C2CD3: variants seen among roughly 807,000 people sequenced by gnomAD.
C2CD3 encodes the protein C2 domain containing 3 centriole elongation regulator.
In C2CD3, 148 loss-of-function variants were observed where a neutral mutation model predicts 234.0. The observed-to-expected ratio is 0.63, with a 90% CI of 0.55 to 0.72. C2CD3 has a LOEUF of 0.72. C2CD3 is among the 30% of genes least tolerant of loss of function. The probability of loss-of-function intolerance (pLI) is 0.00; values close to 1 mark genes in which losing one functional copy is unlikely to be tolerated. For synonymous variants in C2CD3, 1,000 were observed against 1,035.4 expected (o/e 0.97, Z 0.66); for missense variants, 2,577 against 2,811.5 (o/e 0.92, Z 1.89).
rs775201016 is a variant in C2CD3, at chr11:74,094,016, C to A, written c.3161-17G>T. On this transcript the variant is annotated splice_polypyrimidine_tract_variant and intron_variant, in intron 17 of 32. Coordinates refer to ENST00000334126, the MANE Select transcript of C2CD3 (RefSeq NM_001286577.2). ...GAGTAATTCCTTTGGAAAAGAAAAG[C>A]ATTTCAGAATAATCCAACATATGAC... The A allele has an allele frequency of 1.2e-5, 20 of 1,601,682 alleles. No homozygotes were observed. The highest frequency in any genetic ancestry group is 1.7e-5 in the Non-Finnish European group (20 of 1,170,082).
chr11:74,170,910 C>T lies in C2CD3; in HGVS notation c.-118G>A. On this transcript the variant is annotated 5_prime_UTR_variant, in exon 1 of 33. Transcript: ENST00000334126. ...CCGGCAACCGGCGCCGCTGGGCAGC[C>T]TGGGAGGCAGGAAAAAGCGACTCTT... The T allele has an allele frequency of 1.4e-6, 2 of 1,422,464 alleles. No individual in the cohort carries two copies. Among genetic ancestry groups the T allele is most frequent in the Non-Finnish European group, 1.9e-6 (2 of 1,070,200 alleles). 88.1% of individuals were successfully genotyped at this position (1,422,464 alleles called of 1,614,324 possible). A position where few individuals can be genotyped will look rare whatever the true frequency, so the allele number is the denominator to read the frequency against.
chr11:74,117,716 C>A (rs896645739), intron 9 of C2CD3, among the ~76,000 whole-genome samples: 1 of 151,908 alleles, frequency 6.6e-6, no homozygotes, highest in African/African-American at 2.4e-5. Context: ...GAGTTCAAGA[C>A]CAACCTGACC....
chr11:74,071,167 G>A (rs1954770754), intron 24 of C2CD3, among the ~76,000 whole-genome samples: 1 of 152,220 alleles, frequency 6.6e-6, no homozygotes, highest in Non-Finnish European at 1.5e-5. Flanking sequence ...TCTTCATGAT[G>A]CAGCAAAGCA....
chr11:74,166,373 T>G (rs1398847076), intron 2 of C2CD3, among the ~76,000 whole-genome samples: 1 of 151,914 alleles, frequency 6.6e-6, no homozygotes, highest in Non-Finnish European at 1.5e-5. Flanking sequence ...ACTTATAAGG[T>G]TCACCTCATG....
At chr11:74,158,094 T>G (rs566286735) in intron 3 of C2CD3, among the ~76,000 whole-genome samples, 2 of 152,020 alleles carry the variant, frequency 1.3e-5, no homozygotes, top group Admixed American at 6.6e-5. Flanking sequence ...GAAGAAAACA[T>G]AGGGGAAATG....
chr11:74,050,376 C>T (rs1228700975), intron 26 of C2CD3, among the ~76,000 whole-genome samples: 2 of 152,184 alleles, frequency 1.3e-5, no homozygotes, highest in African/African-American at 4.8e-5. Flanking sequence ...AAGGGGGCTG[C>T]CTTTAATGAC....
At chr11:74,025,301 C>T (rs962014739) in intron 32 of C2CD3, among the ~76,000 whole-genome samples, 6 of 151,910 alleles carry the variant, frequency 3.9e-5, no homozygotes, top group South Asian at 2.1e-4. Flanking sequence ...GTTGTGAGTG[C>T]GAAGTTTAGA....
intron 13 of C2CD3, 96 bp downstream of exon 13, chr11:74,106,275 G>C (rs1033050594): frequency 2.5e-6 from 3 of 1,191,366 alleles, no homozygotes; most frequent in Non-Finnish European, 3.6e-6. Flanking sequence ...CAAGATCAAA[G>C]ACCTTGCTTT....
chr11:74,148,446 G>C (rs1456644847), intron 3 of C2CD3, among the ~76,000 whole-genome samples: 1 of 151,258 alleles, frequency 6.6e-6, no homozygotes, highest in Non-Finnish European at 1.5e-5. Flanking sequence ...GTGTATATAA[G>C]ATATATGTGT....
At chr11:74,111,712 G>C (rs968978814) in intron 11 of C2CD3, among the ~76,000 whole-genome samples, 1 of 152,112 alleles carries the variant, frequency 6.6e-6, no homozygotes. Context: ...CAACCCACAA[G>C]TGGCCCAGGA....
chr11:74,089,576 CA>C (rs1279740262), intron 20 of C2CD3, among the ~76,000 whole-genome samples: 1 of 152,182 alleles, frequency 6.6e-6, no homozygotes, highest in African/African-American at 2.4e-5. Context: ...CCCTCAGCTA[CA>C]ACAGGGAAAA....
chr11:74,048,235 G>A lies in C2CD3; in HGVS notation c.5465C>T (p.Ser1822Leu). 6.2e-7 allele frequency: 1 copy of A among 1,613,616 alleles called. No homozygotes were observed. Residue 1822 changes from serine to leucine, a missense_variant, in exon 28 of 33, where the codon TCA becomes TTA. Coordinates refer to ENST00000334126, the MANE Select transcript of C2CD3 (RefSeq NM_001286577.2). ...AGGAGAGGAGAAATCAAGCTCCTTTGAGGAGGCATGAGCAAGTTGGTCTAG... is the reference window on the plus strand; with the variant it reads ...AGGAGAGGAGAAATCAAGCTCCTTTAAGGAGGCATGAGCAAGTTGGTCTAG... ...QTLDQLAHAS[S>L]KELDFSSPGR... is the part of the protein sequence containing the mutation.
At chr11:74,018,547 G>C (rs1356845468) in intron 32 of C2CD3, among the ~76,000 whole-genome samples, 6 of 152,192 alleles carry the variant, frequency 3.9e-5, no homozygotes, top group Non-Finnish European at 8.8e-5. Context: ...GGCTGGCTAG[G>C]TGGACCTGCC....
In C2CD3 at chr11:74,099,849, TCGTGC is replaced by T. The variant is rs1168515525; in HGVS notation, c.2732+671_2732+675del. On this transcript the variant is annotated intron_variant, in intron 15 of 32. Coordinates refer to ENST00000334126, the MANE Select transcript of C2CD3 (RefSeq NM_001286577.2). ...AGATGGAGCTTGCAGTGAGCCGAGATCGTGCCACTGCACTCCAGCCTGGGCAACAG... is the reference window on the plus strand; with the variant it reads ...AGATGGAGCTTGCAGTGAGCCGAGATCACTGCACTCCAGCCTGGGCAACAG... 3.4e-5 allele frequency among the ~76,000 whole-genome samples: 5 copies of T among 148,672 alleles called. No homozygotes were observed. The East Asian group carries it at 5.9e-4, about 18-fold the overall frequency.
Position 74,099,651 on chromosome 11 carries a change from C to A in C2CD3, c.2732+874G>T, listed in dbSNP as rs537635372. Among the ~76,000 whole-genome samples the A allele has an allele frequency of 6.6e-5, 10 of 152,242 alleles. No individual in the cohort carries two copies. In the East Asian group the frequency reaches 1.9e-3, roughly 29 times the overall value. ...GTGGCTCATGCCTGTAACACCATAACTTTGGGAGGCTGAGGCGGGCGGATC... is the reference window on the plus strand; with the variant it reads ...GTGGCTCATGCCTGTAACACCATAAATTTGGGAGGCTGAGGCGGGCGGATC... On this transcript the variant is annotated intron_variant, in intron 15 of 32. Coordinates refer to ENST00000334126, the MANE Select transcript of C2CD3 (RefSeq NM_001286577.2).
chr11:74,117,826 T>C (rs912330204), intron 9 of C2CD3, among the ~76,000 whole-genome samples: 3 of 151,724 alleles, frequency 2.0e-5, no homozygotes, highest in Admixed American at 1.3e-4. Context: ...GGCAGAAGAA[T>C]TGCTTCAATC....
chr11:74,027,715 C>T (rs1952361345), intron 32 of C2CD3, among the ~76,000 whole-genome samples: 1 of 152,164 alleles, frequency 6.6e-6, no homozygotes, highest in Non-Finnish European at 1.5e-5. Context: ...AGGGTAGGTA[C>T]TCAAAAGCAG....
intron 20 of C2CD3, among the ~76,000 whole-genome samples, chr11:74,090,110 T>C (rs1402019256): frequency 6.6e-6 from 1 of 150,390 alleles, no homozygotes; most frequent in Non-Finnish European, 1.5e-5. Flanking sequence ...GTGGCTGGAG[T>C]GGAGTAAGCA....
chr11:74,143,993 T>A (rs1854985719), intron 3 of C2CD3, among the ~76,000 whole-genome samples: 1 of 152,204 alleles, frequency 6.6e-6, no homozygotes, highest in Admixed American at 6.5e-5. Flanking sequence ...TTCATCTAAG[T>A]TGTCAAATTA....
Sources: gnomAD v4.1 joint callset for allele counts (sites outside exome capture counted in the v4.1 genomes callset) on GRCh38, gnomAD v4.1.1 for gene constraint, MANE v1.5 for transcripts, NCBI Gene and HGNC (gene_info 2026-07-23, HGNC 2026-07-21) for gene names.